KCNH5: variants seen among roughly 807,000 people sequenced by gnomAD.
KCNH5 encodes the protein voltage-gated delayed rectifier potassium channel KCNH5.
KCNH5 carries 46 observed loss-of-function variants against 96.1 expected under a neutral mutation model. That is an observed-to-expected ratio of 0.48 (90% CI 0.38 to 0.61). KCNH5 has a LOEUF of 0.61. Ranked by LOEUF, KCNH5 falls within the 20% of genes least tolerant of loss-of-function variation. KCNH5 has a pLI of 0.00. For synonymous variants in KCNH5, 439 were observed against 449.8 expected (o/e 0.98, Z 0.30); for missense variants, 907 against 1,225.8 (o/e 0.74, Z 3.88).
intron 10 of KCNH5, among the ~76,000 whole-genome samples, chr14:62,739,381 G>A (rs1371038834): frequency 6.6e-6 from 1 of 152,178 alleles, no homozygotes; most frequent in Non-Finnish European, 1.5e-5. Flanking sequence ...GAAGCCTACA[G>A]TTGGCTAAGG....
At chr14:62,872,509 T>G (rs938931387) in intron 7 of KCNH5, among the ~76,000 whole-genome samples, 1 of 151,918 alleles carries the variant, frequency 6.6e-6, no homozygotes, top group African/African-American at 2.4e-5. Context: ...GCTAACACAA[T>G]GAAACCTCAT....
chr14:62,959,009 C>A (rs1833789715), intron 6 of KCNH5, among the ~76,000 whole-genome samples: 1 of 152,094 alleles, frequency 6.6e-6, no homozygotes. Context: ...CCCCCTCACC[C>A]TCCTAAATCA....
At chr14:62,951,331 A>G (rs1473575438) in intron 6 of KCNH5, among the ~76,000 whole-genome samples, 1 of 152,240 alleles carries the variant, frequency 6.6e-6, no homozygotes, top group Non-Finnish European at 1.5e-5. Flanking sequence ...AGGCTTTCTT[A>G]AATCAATGAA....
intron 4 of KCNH5, among the ~76,000 whole-genome samples, chr14:62,991,935 A>G (rs1890816579): frequency 6.6e-6 from 1 of 151,980 alleles, no homozygotes; most frequent in Admixed American, 6.6e-5. Flanking sequence ...CCTGAATAAC[A>G]TATATTGTAC....
intron 9 of KCNH5, among the ~76,000 whole-genome samples, chr14:62,786,682 T>C (rs1388786310): frequency 2.0e-5 from 3 of 152,192 alleles, no homozygotes; most frequent in Non-Finnish European, 2.9e-5. Context: ...GTCGAACAAG[T>C]CTATCGGTGT....
chr14:62,794,686 A>G (rs1886503735), intron 9 of KCNH5, among the ~76,000 whole-genome samples: 2 of 152,068 alleles, frequency 1.3e-5, no homozygotes, highest in South Asian at 4.1e-4. Flanking sequence ...TACACTTTAA[A>G]AGTTTGTTAA....
At chr14:62,810,796 G>A (rs1401099340) in intron 8 of KCNH5, among the ~76,000 whole-genome samples, 1 of 152,134 alleles carries the variant, frequency 6.6e-6, no homozygotes, top group African/African-American at 2.4e-5. Flanking sequence ...TGTGTATGGA[G>A]TAGCCATTCT....
chr14:63,013,507 A>T (rs1360592087), intron 2 of KCNH5, among the ~76,000 whole-genome samples: 1 of 152,166 alleles, frequency 6.6e-6, no homozygotes, highest in African/African-American at 2.4e-5. Context: ...TTCACTTATA[A>T]GTCAGTAATT....
chr14:63,032,779 T>C (rs1594684936), intron 1 of KCNH5, among the ~76,000 whole-genome samples: 1 of 152,310 alleles, frequency 6.6e-6, no homozygotes, highest in African/African-American at 2.4e-5. Context: ...CACACTTATA[T>C]TGAGCTAAGC....
At chr14:62,784,378 C>T (rs974149377) in intron 9 of KCNH5, among the ~76,000 whole-genome samples, 3 of 152,110 alleles carry the variant, frequency 2.0e-5, no homozygotes, top group Non-Finnish European at 4.4e-5. Flanking sequence ...TATCATTATA[C>T]TATGTTATAT....
At chr14:62,824,286 T>C (rs1013527559) in intron 8 of KCNH5, among the ~76,000 whole-genome samples, 4 of 152,042 alleles carry the variant, frequency 2.6e-5, no homozygotes, top group Admixed American at 2.6e-4. Flanking sequence ...AGAGTCTGAA[T>C]ACTTTTCCCC....
At chr14:63,033,594 T>A (rs1196613644) in intron 1 of KCNH5, among the ~76,000 whole-genome samples, 1 of 152,198 alleles carries the variant, frequency 6.6e-6, no homozygotes, top group Admixed American at 6.5e-5. Flanking sequence ...CTGCCTCCCC[T>A]ACCAGACTCT....
chr14:63,002,440 T>C (rs892014725), intron 3 of KCNH5, among the ~76,000 whole-genome samples: 4 of 152,206 alleles, frequency 2.6e-5, no homozygotes, highest in Non-Finnish European at 5.9e-5. Context: ...GAGACACTTT[T>C]CTCATTATAT....
intron 9 of KCNH5, among the ~76,000 whole-genome samples, chr14:62,788,591 T>C (rs1220115575): frequency 6.6e-6 from 1 of 152,138 alleles, no homozygotes; most frequent in Non-Finnish European, 1.5e-5. Flanking sequence ...AGGAGAAATA[T>C]TTTATGAAAG....
intron 7 of KCNH5, among the ~76,000 whole-genome samples, chr14:62,913,368 C>T (rs1391174870): frequency 6.6e-6 from 1 of 151,570 alleles, no homozygotes; most frequent in Non-Finnish European, 1.5e-5. Flanking sequence ...GCTGGGACTA[C>T]AGGCACGTGC....
At position 62,779,839 on chromosome 14, in the gene KCNH5, A is replaced by C; in HGVS notation, c.1908T>G (p.Cys636Trp). ...CTTCCCGCTTGATGATGTGTAGGTC[A>C]CAGTACGTCAGTGCCCGGACGTTCG... The part of the protein sequence containing the change: ...ACANVRALTY[C>W]DLHIIKREAL... Residue 636 changes from cysteine to tryptophan, a missense_variant, in exon 10 of 11, where the codon TGT (cysteine) becomes TGG (tryptophan). Cys to Trp is a radical substitution (Grantham distance 215, BLOSUM62 -2). Coordinates refer to ENST00000322893, the MANE Select transcript of KCNH5 (RefSeq NM_139318.5). 1 of 1,613,476 alleles carries C rather than the reference A, an allele frequency of 6.2e-7. No individual in the cohort carries two copies. Among genetic ancestry groups the C allele is most frequent in the Non-Finnish European group, 8.5e-7 (1 of 1,179,676 alleles).
chr14:62,949,893 T>TCAAGAGAGC (rs1889966348), intron 7 of KCNH5: 1 of 376,676 alleles, frequency 2.7e-6, no homozygotes, highest in Non-Finnish European at 4.9e-6. Flanking sequence ...CCTGGTTCCT[T>TCAAGAGAGC]CAAGAGAGCA....
chr14:62,740,659 C>T (rs150388633), intron 10 of KCNH5, among the ~76,000 whole-genome samples: 1 of 152,230 alleles, frequency 6.6e-6, no homozygotes. Flanking sequence ...GCTTATCTTT[C>T]CATTCATATA....
intron 7 of KCNH5, among the ~76,000 whole-genome samples, chr14:62,908,413 T>C (rs1346060357): frequency 1.3e-5 from 2 of 152,192 alleles, no homozygotes; most frequent in Non-Finnish European, 2.9e-5. Context: ...AGAGCCTCCC[T>C]GGCCAAGATG....
Sources: gnomAD v4.1 joint callset for allele counts (sites outside exome capture counted in the v4.1 genomes callset) on GRCh38, gnomAD v4.1.1 for gene constraint, MANE v1.5 for transcripts, NCBI Gene and HGNC (gene_info 2026-07-23, HGNC 2026-07-21) for gene names.